CDH18: variants seen among roughly 807,000 people sequenced by gnomAD.
The protein encoded by CDH18 is cadherin-18.
A neutral mutation model predicts 67.9 loss-of-function variants in CDH18; 31 were observed. The observed-to-expected ratio is 0.46, with a 90% confidence interval of 0.34 to 0.62. The LOEUF is 0.62. Ranked by LOEUF, CDH18 falls within the 20% of genes least tolerant of loss-of-function variation. The pLI, the probability that CDH18 is intolerant of heterozygous loss-of-function variation, is 0.01. For synonymous variants in CDH18, 362 were observed against 347.2 expected (o/e 1.04, Z -0.48); for missense variants, 890 against 975.5 (o/e 0.91, Z 1.17).
chr5:20,040,248 A>C (rs1393290051), intron 2 of CDH18, among the ~76,000 whole-genome samples: 1 of 152,066 alleles, frequency 6.6e-6, no homozygotes, highest in Non-Finnish European at 1.5e-5. Flanking sequence ...ACAAACATGC[A>C]CATTCTGCAT....
intron 2 of CDH18, among the ~76,000 whole-genome samples, chr5:20,221,743 C>T (rs1741242863): frequency 6.6e-6 from 1 of 151,986 alleles, no homozygotes; most frequent in Non-Finnish European, 1.5e-5. Flanking sequence ...TAAACATATA[C>T]ATCTACTATG....
chr5:19,844,668 G>C (rs1294392038), intron 2 of CDH18, among the ~76,000 whole-genome samples: 1 of 152,150 alleles, frequency 6.6e-6, no homozygotes, highest in African/African-American at 2.4e-5. Flanking sequence ...ATGATGGAAA[G>C]ATGTAGGAAC....
chr5:19,755,790 A>G (rs1214662402), intron 3 of CDH18, among the ~76,000 whole-genome samples: 1 of 151,800 alleles, frequency 6.6e-6, no homozygotes, highest in Non-Finnish European at 1.5e-5. Context: ...CAAGGGAGAA[A>G]GATGTCGACT....
chr5:20,227,572 A>T (rs1741731166), intron 2 of CDH18, among the ~76,000 whole-genome samples: 1 of 152,136 alleles, frequency 6.6e-6, no homozygotes, highest in Non-Finnish European at 1.5e-5. Flanking sequence ...TCATATCTAA[A>T]AAAGCAATTT....
intron 5 of CDH18, among the ~76,000 whole-genome samples, chr5:19,672,706 A>G (rs555528991): frequency 6.6e-6 from 1 of 152,218 alleles, no homozygotes; most frequent in South Asian, 2.1e-4. Context: ...AAAGAACAAT[A>G]TAATAACAAC....
rs549545018 is a variant in CDH18, at chr5:20,485,568, A to T, written c.-580+89894T>A. Among the ~76,000 whole-genome samples the T allele has an allele frequency of 4.6e-5, 7 of 152,204 alleles. No homozygotes were observed. The South Asian group carries it at 1.4e-3, about 32-fold the overall frequency. On this transcript the variant is annotated intron_variant, in intron 1 of 14. Transcript: ENST00000507958. Reference sequence around the variant, plus strand: ...CAGAAAAGATAAAGTTCATCTAATAAATTTCCTCTATTTCAAATTAATTTA... The same window carrying T: ...CAGAAAAGATAAAGTTCATCTAATATATTTCCTCTATTTCAAATTAATTTA...
chr5:19,569,411 T>G (rs1331452621), intron 8 of CDH18, among the ~76,000 whole-genome samples: 1 of 152,200 alleles, frequency 6.6e-6, no homozygotes, highest in Admixed American at 6.5e-5. Context: ...ATTATTACAC[T>G]AAACACAGTG....
rs1362993174 is a variant in CDH18, at chr5:20,142,226, T to C, written c.-518+113218A>G. On this transcript the variant is annotated intron_variant, in intron 2 of 14. Coordinates refer to the CDH18 transcript ENST00000507958. ...AAAATAAATTAATTATAAAAATATA[T>C]CTTATTTCAAATTTAGTTAGCTAAT... Among the ~76,000 whole-genome samples, 6 of 152,150 alleles carry C rather than the reference T, an allele frequency of 3.9e-5. No individual in the cohort carries two copies. The South Asian group carries it at 1.2e-3, about 32-fold the overall frequency.
At chr5:20,266,903 A>T (rs1483721532) in intron 1 of CDH18, among the ~76,000 whole-genome samples, 5 of 152,090 alleles carry the variant, frequency 3.3e-5, no homozygotes, top group African/African-American at 1.2e-4. Flanking sequence ...CAAAATGTGG[A>T]ACATGTTTAG....
At chr5:19,899,377 G>A (rs1789688775) in intron 2 of CDH18, among the ~76,000 whole-genome samples, 1 of 147,578 alleles carries the variant, frequency 6.8e-6, no homozygotes, top group South Asian at 2.2e-4. Flanking sequence ...TCCAGCCTGG[G>A]TGACAGAGAG....
chr5:19,578,500 T>G (rs989409664), intron 7 of CDH18, among the ~76,000 whole-genome samples: 1 of 152,022 alleles, frequency 6.6e-6, no homozygotes, highest in Non-Finnish European at 1.5e-5. Context: ...AAGCTGCTTA[T>G]TTTCTATGTC....
chr5:20,413,281 T>C (rs1249518597), intron 1 of CDH18, among the ~76,000 whole-genome samples: 1 of 152,214 alleles, frequency 6.6e-6, no homozygotes, highest in African/African-American at 2.4e-5. Flanking sequence ...TACATGTTCA[T>C]GTGTCTTTAT....
At chr5:19,813,003 A>G (rs1189295136) in intron 3 of CDH18, among the ~76,000 whole-genome samples, 1 of 152,176 alleles carries the variant, frequency 6.6e-6, no homozygotes, top group Non-Finnish European at 1.5e-5. Flanking sequence ...ACATGGATGA[A>G]GCTGGAAACC....
intron 1 of CDH18, among the ~76,000 whole-genome samples, chr5:20,371,435 A>G (rs1320987490): frequency 1.3e-5 from 2 of 152,230 alleles, no homozygotes; most frequent in Non-Finnish European, 2.9e-5. Context: ...ATATGGAACA[A>G]TGGGAGACTT....
At chr5:19,497,353 T>C (rs891383902) in intron 11 of CDH18, among the ~76,000 whole-genome samples, 1 of 152,238 alleles carries the variant, frequency 6.6e-6, no homozygotes, top group Non-Finnish European at 1.5e-5. Context: ...TTTGTTCTTA[T>C]AGGACTGTTG....
At position 20,089,019 on chromosome 5, in the gene CDH18, G is replaced by GT. The variant is rs367570222; in HGVS notation, c.-517-97006dup. On this transcript the variant is annotated intron_variant, in intron 2 of 14. Transcript: ENST00000507958. ...TTTCCAAAAAACGGTATGTATTGCT[G>GT]TTTTTTCTGGTAGCTTTTAAAATAG... Among the ~76,000 whole-genome samples the GT allele has an allele frequency of 1.1e-3, 169 of 152,162 alleles. 1 individual carries two copies. The East Asian group carries it at 0.027, about 24-fold the overall frequency.
rs1351361955 is a variant in CDH18 at position 20,095,444 on chromosome 5, A to AAAGT, written c.-517-103431_-517-103430insACTT. On this transcript the variant is annotated intron_variant, in intron 2 of 14. Transcript: ENST00000507958. ...GAAAGAAAGAAAGAAAGAAAGAAAGAAAAGAAAGAAAGAAAGAAGAAAGAA... is the reference window on the plus strand; with the variant it reads ...GAAAGAAAGAAAGAAAGAAAGAAAGAAAGTAAAGAAAGAAAGAAAGAAGAAAGAA... 9.8e-5 allele frequency among the ~76,000 whole-genome samples: 8 copies of AAAGT among 81,910 alleles called. No individual in the cohort carries two copies. In the South Asian group the frequency reaches 2.9e-3, roughly 30 times the overall value. The allele number at this position is 81,910 out of a possible 152,430, so 53.7% of individuals were successfully genotyped here.
chr5:20,161,324 T>C (rs542091725), intron 2 of CDH18, among the ~76,000 whole-genome samples: 3 of 152,290 alleles, frequency 2.0e-5, no homozygotes, highest in South Asian at 2.1e-4. Flanking sequence ...TCAGTAGACT[T>C]GTTTAAGGTC....
At chr5:20,153,797 G>T (rs1012634628) in intron 2 of CDH18, among the ~76,000 whole-genome samples, 2 of 152,018 alleles carry the variant, frequency 1.3e-5, no homozygotes, top group East Asian at 3.9e-4. Context: ...CAGTTTTATT[G>T]GATTAAGGCT....
Sources: allele counts gnomAD v4.1 joint callset (sites outside exome capture counted in the v4.1 genomes callset), GRCh38; gene constraint gnomAD v4.1.1; transcripts MANE v1.5; gene names NCBI Gene and HGNC (gene_info 2026-07-23, HGNC 2026-07-21).